INTS3: variants seen among roughly 807,000 people sequenced by gnomAD.
INTS3 encodes the protein integrator complex subunit 3.
A neutral mutation model predicts 146.3 loss-of-function variants in INTS3; 34 were observed. The observed-to-expected ratio is 0.23, with a 90% CI of 0.18 to 0.31. The LOEUF (loss-of-function observed/expected upper bound fraction) is 0.31. INTS3 is among the 10% of genes least tolerant of loss of function. INTS3 has a pLI of 1.00. For synonymous variants in INTS3, 475 were observed against 494.9 expected (o/e 0.96, Z 0.53); for missense variants, 757 against 1,304.2 (o/e 0.58, Z 6.46).
intron 25 of INTS3, among the ~76,000 whole-genome samples, chr1:153,771,119 A>G (rs1283781134): frequency 6.6e-6 from 1 of 150,854 alleles, no homozygotes; most frequent in Non-Finnish European, 1.5e-5. Context: ...GGGGTCACGC[A>G]CCATCCTCTC....
At position 153,763,360 on chromosome 1, in the gene INTS3, G is replaced by C. The variant is rs778638642; in HGVS notation, c.1764G>C (p.Gly588=). The C allele has an allele frequency of 2.5e-6, 4 of 1,613,904 alleles. 1 individual carries two copies. In the South Asian group the frequency reaches 3.3e-5, roughly 13 times the overall value. Reference sequence around the variant, plus strand: ...ACAAAGTACTCCAGCTACAGAAGGGGAGGTGGGTACAGACCTTGTTCTCAA... The same window carrying C: ...ACAAAGTACTCCAGCTACAGAAGGGCAGGTGGGTACAGACCTTGTTCTCAA... ...LRDKVLQLQK[G]SDTEAQCEVM... Residue 588 remains glycine, a splice_region_variant and synonymous_variant, in exon 16 of 30, where the codon GGG becomes GGC. Coordinates refer to ENST00000318967, the MANE Select transcript of INTS3 (RefSeq NM_023015.5).
intron 1 of INTS3, among the ~76,000 whole-genome samples, chr1:153,733,017 G>T (rs890642224): frequency 4.7e-5 from 7 of 150,214 alleles, no homozygotes; most frequent in Admixed American, 2.7e-4. Flanking sequence ...TGTTGGTCAG[G>T]CTGGTCTTGA....
intron 1 of INTS3, 50 bp downstream of exon 1, chr1:153,728,834 T>C: frequency 1.6e-6 from 1 of 622,550 alleles, no homozygotes; most frequent in Non-Finnish European, 2.3e-6. Context: ...TTTGGAGGGA[T>C]ACTGGAGCGG....
intron 7 of INTS3, among the ~76,000 whole-genome samples, chr1:153,751,628 TTTTTAC>T (rs1472302206): frequency 6.6e-6 from 1 of 152,218 alleles, no homozygotes; most frequent in Non-Finnish European, 1.5e-5. Flanking sequence ...TTAAAAATTT[TTTTTAC>T]TTTTTATTTT....
chr1:153,734,668 G>T (rs1385341082), intron 1 of INTS3, among the ~76,000 whole-genome samples: 1 of 152,198 alleles, frequency 6.6e-6, no homozygotes, highest in African/African-American at 2.4e-5. Flanking sequence ...GATCATTGCT[G>T]GAGGCTCAGC....
rs139118337 is a variant in INTS3 at position 153,768,868 on chromosome 1, T to G, written c.2245-25T>G. On this transcript the variant is annotated intron_variant, in intron 21 of 29. Transcript: ENST00000318967. The stretch of plus-strand genomic sequence containing the variant: ...AAAAGCTGAGGAGCCCATCCAGGAC[T>G]CTTCCCCTCTCTTTTTCCATTTAGT... 39 of 1,596,802 alleles carry G rather than the reference T, an allele frequency of 2.4e-5. No individual in the cohort carries two copies. In the Admixed American group the frequency reaches 6.3e-4, roughly 26 times the overall value.
intron 22 of INTS3, 22 bp downstream of exon 22, chr1:153,768,983 C>A: frequency 6.3e-7 from 1 of 1,598,532 alleles, no homozygotes; most frequent in Non-Finnish European, 8.6e-7. Flanking sequence ...GCTCTGACCT[C>A]CCCAGAAGAT....
At chr1:153,766,625 T>G (rs576173414) in intron 20 of INTS3, 1 of 152,142 alleles carries the variant, frequency 6.6e-6, no homozygotes, top group African/African-American at 2.4e-5. Flanking sequence ...TGGAGAAATA[T>G]CTATTCAAAA....
chr1:153,746,078 A>G (rs1252827076), intron 3 of INTS3, among the ~76,000 whole-genome samples: 1 of 152,202 alleles, frequency 6.6e-6, no homozygotes, highest in Non-Finnish European at 1.5e-5. Context: ...AAGTATAAAA[A>G]AACTAAAAAT....
intron 19 of INTS3, 53 bp downstream of exon 19, chr1:153,764,787 C>T: frequency 6.5e-7 from 1 of 1,526,800 alleles, no homozygotes; most frequent in Admixed American, 1.7e-5. Context: ...TCCCTGACAG[C>T]ACACACATGT....
At chr1:153,761,179 T>G (rs1672368377) in intron 13 of INTS3, 2 of 857,936 alleles carry the variant, frequency 2.3e-6, no homozygotes, top group Non-Finnish European at 3.4e-6. Flanking sequence ...TTAGACTGAT[T>G]GTGCTTAGAC....
At chr1:153,763,462 T>A in intron 16 of INTS3, 100 bp downstream of exon 16, 2 of 1,274,352 alleles carry the variant, frequency 1.6e-6, no homozygotes, top group Non-Finnish European at 2.3e-6. Flanking sequence ...GAGGCAAACA[T>A]GATAGGAGTG....
At chr1:153,752,103 C>A (rs953473633) in intron 7 of INTS3, 176 bp from the exon 8 acceptor site, 2 of 684,734 alleles carry the variant, frequency 2.9e-6, no homozygotes, top group African/African-American at 1.8e-5. Context: ...CAGCTTCCAG[C>A]TCTCTTCCCC....
At chr1:153,771,556 C>T (rs1275688013) in intron 25 of INTS3, among the ~76,000 whole-genome samples, 1 of 152,300 alleles carries the variant, frequency 6.6e-6, no homozygotes, top group East Asian at 1.9e-4. Flanking sequence ...GAGGGTCCTC[C>T]TTCCCAACAC....
Position 153,773,062 on chromosome 1 carries a change from C to T in INTS3, c.3032C>T (p.Ser1011Leu), listed in dbSNP as rs200810195. The change falls in exon 29 of 30, where the codon TCG becomes TTG. Residue 1011 changes from serine (S) to leucine (L), a missense_variant. By Grantham distance (145) the Ser-to-Leu change is moderately radical. Transcript: ENST00000318967. ...ATQPPNAEEESGSSSASEEED... is the reference protein window; with the variant it reads ...ATQPPNAEEELGSSSASEEED... ...CAGCCCCCCAATGCCGAAGAAGAGT[C>T]GGGCTCCAGCAGTGCTTCAGTGAGA... The T allele has an allele frequency of 1.1e-5, 18 of 1,614,140 alleles. No homozygotes were observed. Among genetic ancestry groups the T allele is most frequent in the African/African-American group, 1.3e-5 (1 of 75,024 alleles).
At chr1:153,731,476 G>A (rs1437341898) in intron 1 of INTS3, among the ~76,000 whole-genome samples, 1 of 151,918 alleles carries the variant, frequency 6.6e-6, no homozygotes, top group Non-Finnish European at 1.5e-5. Flanking sequence ...AGAACATGTA[G>A]TTCCTAATCT....
intron 1 of INTS3, among the ~76,000 whole-genome samples, chr1:153,733,852 C>A (rs979169082): frequency 6.6e-6 from 1 of 152,120 alleles, no homozygotes; most frequent in African/African-American, 2.4e-5. Flanking sequence ...ATTCGCCCCC[C>A]TCAGCCTCCC....
At chr1:153,760,231 T>TC (rs1672325372) in intron 11 of INTS3, 80 bp from the exon 12 acceptor site, 2 of 721,984 alleles carry the variant, frequency 2.8e-6, no homozygotes, top group Non-Finnish European at 2.1e-6. Flanking sequence ...AGACTCTGTT[T>TC]CAAAAAAAAA....
Position 153,728,100 on chromosome 1 carries a change from G to C in INTS3, c.-535G>C, listed in dbSNP as rs906679547. 10 of 394,792 alleles carry C rather than the reference G, an allele frequency of 2.5e-5. No individual in the cohort carries two copies. The highest frequency in any genetic ancestry group is 4.4e-5 in the Non-Finnish European group (10 of 225,236). The allele number at this position is 394,792 out of a possible 1,614,324, so 24.5% of individuals were successfully genotyped here. On this transcript the variant is annotated 5_prime_UTR_variant, in exon 1 of 30. Transcript: ENST00000318967. ...TATGGCCGCTTCTGTGTGGTGTGGGGAGACGCTGGTCCTCCCCGTCCTCCC... is the reference window on the plus strand; with the variant it reads ...TATGGCCGCTTCTGTGTGGTGTGGGCAGACGCTGGTCCTCCCCGTCCTCCC...
Sources: allele counts gnomAD v4.1 joint callset (sites outside exome capture counted in the v4.1 genomes callset), GRCh38; gene constraint gnomAD v4.1.1; transcripts MANE v1.5; gene names NCBI Gene and HGNC (gene_info 2026-07-23, HGNC 2026-07-21).